CDH13: variants seen among roughly 807,000 people sequenced by gnomAD.
CDH13 encodes the protein cadherin-13.
A neutral mutation model predicts 63.8 loss-of-function variants in CDH13; 24 were observed. That is an observed-to-expected ratio of 0.38 (90% CI 0.27 to 0.53). CDH13 has a LOEUF of 0.53. CDH13 is among the 20% of genes least tolerant of loss of function. CDH13 has a pLI of 0.85. For synonymous variants in CDH13, 503 were observed against 355.3 expected (o/e 1.42, Z -4.67); for missense variants, 1,049 against 903.1 (o/e 1.16, Z -2.07).
intron 2 of CDH13, among the ~76,000 whole-genome samples, chr16:82,898,301 G>A (rs1224521846): frequency 6.6e-6 from 1 of 152,076 alleles, no homozygotes; most frequent in Non-Finnish European, 1.5e-5. Context: ...AAGGTGGGTG[G>A]ATCACCCGAG....
At chr16:83,007,147 C>G (rs944165126) in intron 2 of CDH13, among the ~76,000 whole-genome samples, 3 of 152,146 alleles carry the variant, frequency 2.0e-5, no homozygotes, top group South Asian at 2.1e-4. Flanking sequence ...GTCTTGAACT[C>G]TCGACCTAAG....
chr16:83,156,823 T>G (rs56089520), intron 4 of CDH13, among the ~76,000 whole-genome samples: 6,015 of 152,272 alleles, frequency 0.04, 184 homozygotes, highest in Non-Finnish European at 0.052. Context: ...ATATTTATAC[T>G]AATTCAGAGG....
chr16:82,813,198 AC>A (rs1345784919), intron 1 of CDH13, among the ~76,000 whole-genome samples: 1 of 152,096 alleles, frequency 6.6e-6, no homozygotes, highest in East Asian at 1.9e-4. Flanking sequence ...AATTGGAGAG[AC>A]ATTATCCAGG....
At chr16:83,101,198 T>C (rs28707197) in intron 3 of CDH13, among the ~76,000 whole-genome samples, 3,009 of 151,112 alleles carry the variant, frequency 0.02, 105 homozygotes, top group African/African-American at 0.065. Flanking sequence ...TAGAAAAGTA[T>C]ATAGAGGTAT....
intron 7 of CDH13, among the ~76,000 whole-genome samples, chr16:83,520,137 C>T (rs925462923): frequency 6.6e-6 from 1 of 152,042 alleles, no homozygotes; most frequent in African/African-American, 2.4e-5. Context: ...ATGGTAGCCC[C>T]AGTCTTGAAA....
intron 6 of CDH13, among the ~76,000 whole-genome samples, chr16:83,379,481 C>G (rs911967221): frequency 6.6e-6 from 1 of 152,134 alleles, no homozygotes; most frequent in African/African-American, 2.4e-5. Context: ...TAAAAGGCAA[C>G]CATACAGTGT....
chr16:83,232,974 C>G (rs888815950), intron 5 of CDH13, among the ~76,000 whole-genome samples: 5 of 152,146 alleles, frequency 3.3e-5, no homozygotes, highest in Non-Finnish European at 4.4e-5. Context: ...CTGATGTTGT[C>G]TGACCTAGAG....
At chr16:83,596,036 A>T (rs575320169) in intron 7 of CDH13, among the ~76,000 whole-genome samples, 1 of 152,316 alleles carries the variant, frequency 6.6e-6, no homozygotes, top group South Asian at 2.1e-4. Flanking sequence ...AGCTGTTTGG[A>T]GTTGCAGTTG....
intron 1 of CDH13, among the ~76,000 whole-genome samples, chr16:82,665,013 A>T (rs1912420613): frequency 6.6e-6 from 1 of 152,218 alleles, no homozygotes; most frequent in Non-Finnish European, 1.5e-5. Flanking sequence ...ATCAGTGGTC[A>T]TGGTAGTGTT....
intron 3 of CDH13, among the ~76,000 whole-genome samples, chr16:83,125,087 A>C (rs2035750287): frequency 1.3e-5 from 2 of 152,226 alleles, no homozygotes; most frequent in African/African-American, 4.8e-5. Context: ...GTAGCTTGGC[A>C]GATTAAGAAC....
chr16:83,207,756 T>G (rs1421210002), intron 4 of CDH13, among the ~76,000 whole-genome samples: 1 of 134,374 alleles, frequency 7.4e-6, no homozygotes, highest in Non-Finnish European at 1.6e-5. Flanking sequence ...TAACAAATAC[T>G]CTCCTTAAAA....
intron 13 of CDH13, among the ~76,000 whole-genome samples, chr16:83,791,336 A>G (rs1287617591): frequency 6.6e-6 from 1 of 151,948 alleles, no homozygotes; most frequent in Non-Finnish European, 1.5e-5. Context: ...TCTCTACTAA[A>G]GCTATAAAAA....
chr16:82,801,858 G>T (rs777060872), intron 1 of CDH13, among the ~76,000 whole-genome samples: 1 of 152,214 alleles, frequency 6.6e-6, no homozygotes, highest in Admixed American at 6.5e-5. Flanking sequence ...TGGTGTCTTA[G>T]ATTTTGTTCC....
intron 6 of CDH13, among the ~76,000 whole-genome samples, chr16:83,454,834 G>C (rs1248699905): frequency 6.6e-6 from 1 of 152,008 alleles, no homozygotes; most frequent in Admixed American, 6.5e-5. Context: ...AGCCTCCTGA[G>C]TAGCTGGGAT....
At chr16:83,706,262 C>T (rs1452071530) in intron 10 of CDH13, among the ~76,000 whole-genome samples, 1 of 152,174 alleles carries the variant, frequency 6.6e-6, no homozygotes, top group South Asian at 2.1e-4. Context: ...ATCCCAAAAG[C>T]CAGCTTGCAG....
intron 8 of CDH13, among the ~76,000 whole-genome samples, chr16:83,605,257 A>G (rs1456340824): frequency 6.6e-6 from 1 of 152,238 alleles, no homozygotes; most frequent in Non-Finnish European, 1.5e-5. Context: ...GATAACAAGT[A>G]CACTAGACTC....
chr16:82,876,210 C>A (rs1343597338), intron 2 of CDH13, among the ~76,000 whole-genome samples: 1 of 152,172 alleles, frequency 6.6e-6, no homozygotes, highest in Non-Finnish European at 1.5e-5. Context: ...TCATGTCCTA[C>A]AGGACAAAAA....
intron 6 of CDH13, among the ~76,000 whole-genome samples, chr16:83,444,160 ATGATGG>A (rs1294459375): frequency 7.0e-6 from 1 of 143,778 alleles, no homozygotes; most frequent in Non-Finnish European, 1.6e-5. Flanking sequence ...GACAAAGATG[ATGATGG>A]TGATGGTGAT....
chr16:82,716,767 G>C (rs888186092), intron 1 of CDH13, among the ~76,000 whole-genome samples: 10 of 151,408 alleles, frequency 6.6e-5, no homozygotes, highest in African/African-American at 2.4e-4. Context: ...GAATATGCCA[G>C]GTCTGTTTTA....
Sources: allele counts gnomAD v4.1 joint callset (sites outside exome capture counted in the v4.1 genomes callset), GRCh38; gene constraint gnomAD v4.1.1; transcripts MANE v1.5; gene names NCBI Gene and HGNC (gene_info 2026-07-23, HGNC 2026-07-21).